ASTN2: variants seen among roughly 807,000 people sequenced by gnomAD.
The protein encoded by ASTN2 is astrotactin-2.
In ASTN2, 54 loss-of-function variants were observed where a neutral mutation model predicts 139.8. That is an observed-to-expected ratio of 0.39 (90% confidence interval 0.31 to 0.48). The LOEUF is 0.48. Ranked by LOEUF, ASTN2 falls within the 20% of genes least tolerant of loss-of-function variation. The pLI, the probability that ASTN2 is intolerant of heterozygous loss-of-function variation, is 0.95. For synonymous variants in ASTN2, 756 were observed against 719.5 expected (o/e 1.05, Z -0.81); for missense variants, 1,565 against 1,725.1 (o/e 0.91, Z 1.64).
At chr9:116,632,232 A>G (rs7391007) in intron 17 of ASTN2, among the ~76,000 whole-genome samples, 101 of 130,750 alleles carry the variant, frequency 7.7e-4, no homozygotes, top group Non-Finnish European at 1.1e-3. Context: ...AAAGAAAGAA[A>G]GAAAGAAAGA....
At chr9:117,000,384 T>C (rs1837160848) in intron 7 of ASTN2, among the ~76,000 whole-genome samples, 1 of 152,228 alleles carries the variant, frequency 6.6e-6, no homozygotes, top group Admixed American at 6.5e-5. Flanking sequence ...AATGAATGAA[T>C]AAACATATGA....
rs139814838 is a variant in ASTN2, at chr9:116,457,294, A to G, written c.3498-14741T>C. ...AACTCTCCAGGACATTGGTCTGAGCAAAGATTTCTTGAGTAATAGCCCAAA... is the reference window on the plus strand; with the variant it reads ...AACTCTCCAGGACATTGGTCTGAGCGAAGATTTCTTGAGTAATAGCCCAAA... On this transcript the variant is annotated intron_variant, in intron 20 of 22. Coordinates refer to ENST00000313400, the MANE Select transcript of ASTN2 (RefSeq NM_001365068.1). 7.3e-3 allele frequency among the ~76,000 whole-genome samples: 1,114 copies of G among 152,318 alleles called. 6 individuals are homozygous for G. The highest frequency in any genetic ancestry group is 0.012 in the Non-Finnish European group (814 of 68,012).
chr9:116,859,550 A>C (rs1211413342), intron 11 of ASTN2, among the ~76,000 whole-genome samples: 3 of 152,248 alleles, frequency 2.0e-5, no homozygotes, highest in Non-Finnish European at 2.9e-5. Flanking sequence ...TTAGAGAATT[A>C]CCTTCCCTTG....
At chr9:117,116,378 A>G in intron 4 of ASTN2, among the ~76,000 whole-genome samples, 1 of 152,150 alleles carries the variant, frequency 6.6e-6, no homozygotes, top group East Asian at 1.9e-4. Context: ...TTTCTTGTGA[A>G]CCTATGTAGA....
intron 10 of ASTN2, among the ~76,000 whole-genome samples, chr9:116,912,386 G>T (rs1834336225): frequency 1.3e-5 from 2 of 152,216 alleles, no homozygotes; most frequent in Non-Finnish European, 2.9e-5. Flanking sequence ...GCACCCAGTA[G>T]GTGCTCAGAA....
intron 19 of ASTN2, chr9:116,612,879 G>T (rs1334197340): frequency 1.5e-5 from 2 of 134,908 alleles, no homozygotes; most frequent in Non-Finnish European, 3.1e-5. Flanking sequence ...GAGCAGAACT[G>T]AAGGAGATAG....
chr9:117,231,471 A>G (rs1445531369), intron 2 of ASTN2, among the ~76,000 whole-genome samples: 1 of 152,222 alleles, frequency 6.6e-6, no homozygotes, highest in Non-Finnish European at 1.5e-5. Context: ...TTTATTCTGT[A>G]TCTAGAAAAT....
intron 13 of ASTN2, among the ~76,000 whole-genome samples, chr9:116,797,747 T>A (rs1301477826): frequency 6.6e-6 from 1 of 152,054 alleles, no homozygotes; most frequent in Non-Finnish European, 1.5e-5. Flanking sequence ...GACCTGAGAG[T>A]GCACAAACAC....
intron 20 of ASTN2, among the ~76,000 whole-genome samples, chr9:116,462,134 A>C (rs964775361): frequency 6.6e-6 from 1 of 151,916 alleles, no homozygotes; most frequent in African/African-American, 2.4e-5. Flanking sequence ...TCTAAAGACC[A>C]CTCTCTTTCT....
intron 19 of ASTN2, among the ~76,000 whole-genome samples, chr9:116,492,441 C>CT (rs1449919057): frequency 2.0e-5 from 3 of 152,126 alleles, no homozygotes; most frequent in Non-Finnish European, 2.9e-5. Flanking sequence ...TTAAAGATAT[C>CT]TTTTCATCCA....
intron 10 of ASTN2, among the ~76,000 whole-genome samples, chr9:116,894,823 A>C (rs1457761895): frequency 6.6e-6 from 1 of 152,136 alleles, no homozygotes; most frequent in Non-Finnish European, 1.5e-5. Flanking sequence ...TCAGGGGAGG[A>C]GATGGGATTA....
intron 10 of ASTN2, among the ~76,000 whole-genome samples, chr9:116,968,858 C>A (rs1250555487): frequency 6.9e-6 from 1 of 145,764 alleles, no homozygotes; most frequent in Non-Finnish European, 1.5e-5. Flanking sequence ...GAGATGGCAC[C>A]ACTGCACTCC....
At chr9:116,961,422 T>G (rs7024538) in intron 10 of ASTN2, among the ~76,000 whole-genome samples, 8,917 of 152,220 alleles carry the variant, frequency 0.059, 416 homozygotes, top group African/African-American at 0.13. Context: ...TTTCTGTTTC[T>G]ATGATTTTGG....
intron 3 of ASTN2, among the ~76,000 whole-genome samples, chr9:117,175,048 A>AT (rs1237869578): frequency 1.3e-5 from 2 of 152,052 alleles, no homozygotes; most frequent in Non-Finnish European, 2.9e-5. Context: ...AAATTATGTC[A>AT]TTTTTTCCAC....
At position 117,414,406 on chromosome 9, in the gene ASTN2, G is replaced by A. The variant is rs1005733473; in HGVS notation, c.442+91C>T. 5 of 1,556,448 alleles carry A rather than the reference G, an allele frequency of 3.2e-6. No individual in the cohort carries two copies. In the African/African-American group the frequency reaches 4.2e-5, roughly 13 times the overall value. On this transcript the variant is annotated intron_variant, in intron 1 of 22. Transcript: ENST00000313400. The surrounding 1 kb of genome is among the most constrained non-coding windows in gnomAD (Gnocchi z 4.2). The stretch of plus-strand genomic sequence containing the variant: ...CCAACCCCACTCGGGGCAGCCCCGG[G>A]CAGGGATCCCCAGGGCGCCCCCACC...
At chr9:116,942,869 G>A (rs895369719) in intron 10 of ASTN2, among the ~76,000 whole-genome samples, 2 of 152,190 alleles carry the variant, frequency 1.3e-5, no homozygotes, top group Non-Finnish European at 2.9e-5. Context: ...TGCAGCTGAT[G>A]CACATGACCT....
chr9:117,164,412 A>G (rs1830622713), intron 3 of ASTN2, among the ~76,000 whole-genome samples: 1 of 152,114 alleles, frequency 6.6e-6, no homozygotes, highest in African/African-American at 2.4e-5. Flanking sequence ...GGTGTAAATG[A>G]AAAGTGAACA....
At chr9:117,094,685 C>T (rs1345986408) in intron 5 of ASTN2, among the ~76,000 whole-genome samples, 1 of 152,144 alleles carries the variant, frequency 6.6e-6, no homozygotes, top group African/African-American at 2.4e-5. Flanking sequence ...AATGGAAACA[C>T]TCCTCCCACG....
chr9:116,488,014 C>G (rs1849396846), intron 19 of ASTN2, among the ~76,000 whole-genome samples: 2 of 152,026 alleles, frequency 1.3e-5, no homozygotes, highest in Non-Finnish European at 2.9e-5. Flanking sequence ...GTGAGATGGA[C>G]AGAGACCAGC....
Sources: gnomAD v4.1 joint callset for allele counts (sites outside exome capture counted in the v4.1 genomes callset) on GRCh38, gnomAD v4.1.1 for gene constraint, Gnocchi (gnomAD v3.1) non-coding constraint, MANE v1.5 for transcripts, NCBI Gene and HGNC (gene_info 2026-07-23, HGNC 2026-07-21) for gene names.